Variants in SEMA3A observed in about 807,000 individuals in gnomAD.
SEMA3A encodes the protein semaphorin-3A.
In SEMA3A, 29 loss-of-function variants were observed where a neutral mutation model predicts 97.9. That is an observed-to-expected ratio of 0.30 (90% confidence interval 0.22 to 0.40). The LOEUF is 0.40. Among genes scored for constraint, SEMA3A ranks in the 10% least tolerant of loss-of-function variants. The pLI is 1.00. For missense variants in SEMA3A, 763 were observed against 951.3 expected, an observed-to-expected ratio of 0.80 and a Z score of 2.60; for synonymous variants, 321 against 323.7, an observed-to-expected ratio of 0.99 and a Z score of 0.09.
At chr7:84,303,418 T>C (rs1801073434) in intron 3 of SEMA3A, among the ~76,000 whole-genome samples, 1 of 152,118 alleles carries the variant, frequency 6.6e-6, no homozygotes, top group Non-Finnish European at 1.5e-5. Context: ...CCTTCAAACA[T>C]CTTGTAAGTG....
intron 4 of SEMA3A, among the ~76,000 whole-genome samples, chr7:84,104,950 A>G (rs961959307): frequency 6.6e-6 from 1 of 152,146 alleles, no homozygotes; most frequent in Non-Finnish European, 1.5e-5. Context: ...GGAAAGAAAA[A>G]CCTAGAAACC....
chr7:84,066,936 G>A (rs1793528881), intron 4 of SEMA3A, among the ~76,000 whole-genome samples: 1 of 152,060 alleles, frequency 6.6e-6, no homozygotes, highest in Admixed American at 6.6e-5. Flanking sequence ...AAGTTCATAT[G>A]GAACCAAAAA....
intron 1 of SEMA3A, among the ~76,000 whole-genome samples, chr7:84,151,027 G>A (rs528178284): frequency 4.5e-4 from 67 of 149,056 alleles, no homozygotes; most frequent in Middle Eastern, 3.4e-3. Context: ...GCAGCTGAGG[G>A]TCCTTTCTGT....
At position 84,005,453 on chromosome 7, in the gene SEMA3A, T is replaced by C. The variant is rs1417966589; in HGVS notation, c.1246A>G (p.Met416Val). Reference sequence around the variant, plus strand: ...TTGATCACTATTGGGCGATTGTTCATAGGAAACACTGGATTGTACATGGCT... The same window carrying C: ...TTGATCACTATTGGGCGATTGTTCACAGGAAACACTGGATTGTACATGGCT... The part of the protein sequence containing the change: ...HPAMYNPVFP[M>V]NNRPIVIKTD... The change falls in exon 11 of 17, where the codon ATG becomes GTG. Residue 416 changes from methionine (M) to valine (V), a missense_variant. Met to Val is a conservative substitution (Grantham distance 21). Coordinates refer to ENST00000265362, the MANE Select transcript of SEMA3A (RefSeq NM_006080.3). 6.2e-7 allele frequency: 1 copy of C among 1,613,734 alleles called. No homozygotes were observed. Among genetic ancestry groups the C allele is most frequent in the Non-Finnish European group, 8.5e-7 (1 of 1,179,796 alleles).
chr7:84,240,197 A>G (rs901365483), intron 3 of SEMA3A, among the ~76,000 whole-genome samples: 3 of 152,220 alleles, frequency 2.0e-5, no homozygotes, highest in Admixed American at 6.6e-5. Flanking sequence ...TCTTAAAAAT[A>G]CATAAGCAAA....
chr7:84,053,198 G>C (rs1455628905), intron 5 of SEMA3A, among the ~76,000 whole-genome samples: 2 of 119,392 alleles, frequency 1.7e-5, no homozygotes, highest in African/African-American at 5.3e-5. Context: ...GTTGATTTGG[G>C]GTGGAGAGTT....
intron 3 of SEMA3A, among the ~76,000 whole-genome samples, chr7:84,283,449 T>G (rs1209272279): frequency 6.6e-6 from 1 of 152,094 alleles, no homozygotes; most frequent in African/African-American, 2.4e-5. Context: ...AGAAAAACAC[T>G]CAAATTTATA....
intron 12 of SEMA3A, among the ~76,000 whole-genome samples, chr7:83,990,879 G>A (rs1053514333): frequency 3.6e-4 from 54 of 151,690 alleles, no homozygotes; most frequent in African/African-American, 1.2e-3. Context: ...GCTTGATGGG[G>A]ATGGCATTGA....
chr7:84,386,142 G>C (rs1803389037), intron 1 of SEMA3A, among the ~76,000 whole-genome samples: 1 of 152,092 alleles, frequency 6.6e-6, no homozygotes, highest in South Asian at 2.1e-4. Context: ...CAAACATATT[G>C]TGTTTATTAA....
intron 6 of SEMA3A, among the ~76,000 whole-genome samples, 154 bp downstream of exon 6, chr7:84,046,170 C>T (rs146507905): frequency 1.5e-4 from 23 of 152,022 alleles, no homozygotes; most frequent in East Asian, 7.7e-4. Flanking sequence ...CTTTCTTTGC[C>T]GAACTTTCTC....
intron 2 of SEMA3A, among the ~76,000 whole-genome samples, chr7:84,343,790 A>G (rs1042234511): frequency 1.3e-5 from 2 of 152,142 alleles, no homozygotes; most frequent in Non-Finnish European, 2.9e-5. Flanking sequence ...TCAGGAGTGT[A>G]AAACAAGCCT....
intron 1 of SEMA3A, among the ~76,000 whole-genome samples, chr7:84,413,509 T>A (rs1032249784): frequency 1.3e-5 from 2 of 152,106 alleles, no homozygotes; most frequent in Non-Finnish European, 2.9e-5. Flanking sequence ...GTGCCTGTAG[T>A]CCCAGCTACT....
In SEMA3A at chr7:84,121,800, G is replaced by A. The variant is rs1249360262; in HGVS notation, c.333+7323C>T. ...ACTACAGGCGCCCGCCACTACGCCC[G>A]GCTAATTTTTTTGTATTTTTAGTAG... On this transcript the variant is annotated intron_variant, in intron 3 of 16. Coordinates refer to ENST00000265362, the MANE Select transcript of SEMA3A (RefSeq NM_006080.3). 4.5e-5 allele frequency among the ~76,000 whole-genome samples: 2 copies of A among 44,490 alleles called. 1 individual carries two copies. The highest frequency in any genetic ancestry group is 1.7e-4 in the African/African-American group (2 of 11,448). The allele number at this position is 44,490 out of a possible 152,430, so 29.2% of individuals were successfully genotyped here. A position where few individuals can be genotyped will look rare whatever the true frequency, so the allele number is the denominator to read the frequency against.
At position 84,001,956 on chromosome 7, in the gene SEMA3A, C is replaced by G; in HGVS notation, c.1451G>C (p.Arg484Pro). 2 of 1,607,948 alleles carry G rather than the reference C, an allele frequency of 1.2e-6. No individual in the cohort carries two copies. The highest frequency in any genetic ancestry group is 1.7e-6 in the Non-Finnish European group (2 of 1,175,248). ...EVLLEEMTVF[R>P]EPTAISAMEL... ...CACTTGAAATTAAGCAGCACTCACC[C>G]GAAAAACTGTCATTTCTTCCAGCAG... The change falls in exon 12 of 17, where the codon CGG (arginine) becomes CCG (proline). Residue 484 changes from arginine to proline, a missense_variant and splice_region_variant. Around this residue, in one of 2 missense-constraint regions of SEMA3A, gnomAD observed 678 missense variants for 881.3 expected, o/e 0.77. Transcript: ENST00000265362.
intron 3 of SEMA3A, among the ~76,000 whole-genome samples, chr7:84,290,798 G>A (rs995242202): frequency 6.6e-6 from 1 of 152,102 alleles, no homozygotes; most frequent in Non-Finnish European, 1.5e-5. Context: ...ACATTTAACT[G>A]TGGATTAGAT....
intron 12 of SEMA3A, among the ~76,000 whole-genome samples, chr7:83,988,483 C>A (rs1452160006): frequency 1.3e-5 from 2 of 152,200 alleles, no homozygotes; most frequent in East Asian, 3.9e-4. Context: ...CCACCTCAGC[C>A]TCCCAACTTT....
chr7:83,985,729 C>T (rs1485806990), intron 12 of SEMA3A, among the ~76,000 whole-genome samples: 3 of 152,110 alleles, frequency 2.0e-5, no homozygotes, highest in Non-Finnish European at 4.4e-5. Flanking sequence ...TTATTGCTTA[C>T]TACAATATAA....
At chr7:84,440,641 G>T (rs1166098319) in intron 1 of SEMA3A, among the ~76,000 whole-genome samples, 2 of 152,090 alleles carry the variant, frequency 1.3e-5, no homozygotes, top group African/African-American at 4.8e-5. Context: ...CCATGGGAAG[G>T]CACCAGCAGA....
intron 1 of SEMA3A, among the ~76,000 whole-genome samples, chr7:84,469,271 C>A (rs768211127): frequency 1.3e-5 from 2 of 152,136 alleles, no homozygotes; most frequent in Non-Finnish European, 2.9e-5. Context: ...TCAACTGTAA[C>A]CCTGTATAAG....
Sources: allele counts gnomAD v4.1 joint callset (sites outside exome capture counted in the v4.1 genomes callset), GRCh38; gene constraint gnomAD v4.1.1; regional missense constraint gnomAD v4.1.1; transcripts MANE v1.5; gene names NCBI Gene and HGNC (gene_info 2026-07-23, HGNC 2026-07-21).